The following FAM13A variants were observed in gnomAD, a reference collection of about 807,000 sequenced individuals.
The protein encoded by FAM13A is protein FAM13A.
A neutral mutation model predicts 129.6 loss-of-function variants in FAM13A; 76 were observed. The observed-to-expected ratio is 0.59, with a 90% CI of 0.49 to 0.71. The LOEUF (loss-of-function observed/expected upper bound fraction) is 0.71. Ranked by LOEUF, FAM13A falls within the 30% of genes least tolerant of loss-of-function variation. The pLI is 0.00. For synonymous variants in FAM13A, 443 were observed against 449.9 expected, an observed-to-expected ratio of 0.98 and a Z score of 0.20; for missense variants, 1,108 against 1,249.3, an observed-to-expected ratio of 0.89 and a Z score of 1.70.
Position 88,851,197 on chromosome 4 carries a change from A to G in FAM13A, c.844-14T>C. On this transcript the variant is annotated splice_polypyrimidine_tract_variant and intron_variant, in intron 6 of 23. Transcript: ENST00000264344. ...GGATTTTGGGATCTAGAAGAAAAAA[A>G]AAAGAGGGGTGGGGGAGAGCTAGAT... is the stretch of plus-strand genomic sequence containing the variant. 2 of 1,557,770 alleles carry G rather than the reference A, an allele frequency of 1.3e-6. No homozygotes were observed. The highest frequency in any genetic ancestry group is 1.7e-6 in the Non-Finnish European group (2 of 1,147,150).
intron 7 of FAM13A, chr4:88,822,859 C>G: frequency 7.0e-7 from 1 of 1,432,634 alleles, no homozygotes. Context: ...ATATGTACAA[C>G]GGACTCTACA....
Position 88,731,982 on chromosome 4 carries a change from C to T in FAM13A, c.2843+20G>A. 1 of 1,576,036 alleles carries T rather than the reference C, an allele frequency of 6.3e-7. No homozygotes were observed. Among genetic ancestry groups the T allele is most frequent in the Non-Finnish European group, 8.6e-7 (1 of 1,159,170 alleles). ...CTATTTTTACCAAAACATTTCACCA[C>T]CACCACCAAAATGACATACATTGAG... On this transcript the variant is annotated intron_variant, in intron 22 of 23. Transcript: ENST00000264344.
chr4:88,878,270 A>T (rs1277964414), intron 6 of FAM13A, among the ~76,000 whole-genome samples: 1 of 128,532 alleles, frequency 7.8e-6, no homozygotes, highest in African/African-American at 2.9e-5. Context: ...CCTGGGCGAC[A>T]GAGTGAGACT....
At chr4:88,913,768 T>C (rs1269029609) in intron 5 of FAM13A, among the ~76,000 whole-genome samples, 2 of 152,200 alleles carry the variant, frequency 1.3e-5, no homozygotes, top group Admixed American at 1.3e-4. Context: ...TTCACCTTCA[T>C]GGCTTTTAAA....
intron 6 of FAM13A, among the ~76,000 whole-genome samples, chr4:88,861,009 T>C (rs1394309016): frequency 1.3e-5 from 2 of 152,210 alleles, no homozygotes; most frequent in African/African-American, 4.8e-5. Context: ...GGCTTTAAAC[T>C]CTCTTTTTCT....
intron 6 of FAM13A, among the ~76,000 whole-genome samples, chr4:88,873,468 G>C (rs1007725898): frequency 5.2e-4 from 79 of 152,162 alleles, no homozygotes; most frequent in African/African-American, 1.9e-3. Flanking sequence ...TATCACCACC[G>C]ATCCCACAGA....
At chr4:88,728,917 C>G (rs905867723) in intron 23 of FAM13A, 3 of 331,218 alleles carry the variant, frequency 9.1e-6, no homozygotes, top group African/African-American at 6.3e-5. Context: ...CTAAGAAATG[C>G]AGAAATTCTC....
chr4:88,933,229 A>G (rs898486449), intron 5 of FAM13A, among the ~76,000 whole-genome samples: 12 of 152,218 alleles, frequency 7.9e-5, no homozygotes, highest in Non-Finnish European at 1.2e-4. Flanking sequence ...ATAGATACTT[A>G]GCAATATGCT....
intron 14 of FAM13A, among the ~76,000 whole-genome samples, chr4:88,754,165 A>G (rs1353620946): frequency 6.6e-6 from 1 of 152,226 alleles, no homozygotes; most frequent in South Asian, 2.1e-4. Context: ...AACTCTGGAC[A>G]TAAGTATGAC....
At chr4:88,874,040 C>T (rs1364686104) in intron 6 of FAM13A, among the ~76,000 whole-genome samples, 1 of 152,172 alleles carries the variant, frequency 6.6e-6, no homozygotes, top group Non-Finnish European at 1.5e-5. Context: ...GACAAAACCA[C>T]ATGATTATCT....
intron 1 of FAM13A, among the ~76,000 whole-genome samples, chr4:89,035,992 T>A (rs1383320262): frequency 6.6e-6 from 1 of 152,138 alleles, no homozygotes; most frequent in Non-Finnish European, 1.5e-5. Flanking sequence ...TTTACAGCAA[T>A]GTGAGAACAG....
chr4:88,959,569 C>A (rs1351863770), intron 4 of FAM13A, among the ~76,000 whole-genome samples: 1 of 152,172 alleles, frequency 6.6e-6, no homozygotes, highest in Non-Finnish European at 1.5e-5. Flanking sequence ...TGAGGCTTCC[C>A]GAGAAGCCCA....
chr4:88,856,158 G>A (rs1738447967), intron 6 of FAM13A: 1 of 152,130 alleles, frequency 6.6e-6, no homozygotes, highest in Non-Finnish European at 1.5e-5. Flanking sequence ...CTGTTCAGTT[G>A]CTGTGCTGGC....
At chr4:88,955,536 C>T (rs932261431) in intron 4 of FAM13A, among the ~76,000 whole-genome samples, 2 of 152,118 alleles carry the variant, frequency 1.3e-5, no homozygotes, top group Non-Finnish European at 2.9e-5. Flanking sequence ...GTGAATGTGA[C>T]TTTGGAATTG....
chr4:89,021,456 C>T (rs1306384985), intron 2 of FAM13A, among the ~76,000 whole-genome samples: 1 of 152,142 alleles, frequency 6.6e-6, no homozygotes, highest in Non-Finnish European at 1.5e-5. Flanking sequence ...AAACCTTGAT[C>T]TACCCCTGAC....
At chr4:88,768,762 G>T (rs1399348196) in intron 11 of FAM13A, among the ~76,000 whole-genome samples, 1 of 152,082 alleles carries the variant, frequency 6.6e-6, no homozygotes, top group Non-Finnish European at 1.5e-5. Context: ...AGTAAAGACA[G>T]AAAACCTAAT....
Position 88,848,281 on chromosome 4 carries a change from C to T in FAM13A, c.1007+2739G>A, listed in dbSNP as rs11944060. On this transcript the variant is annotated intron_variant, in intron 7 of 23. Coordinates refer to ENST00000264344, the MANE Select transcript of FAM13A (RefSeq NM_014883.4). Reference sequence around the variant, plus strand: ...GGAAAGTGTCCTTGTGGTTGTACAGCGCTCAAGCTGCGTTACACAAGATAT... The same window carrying T: ...GGAAAGTGTCCTTGTGGTTGTACAGTGCTCAAGCTGCGTTACACAAGATAT... Among the ~76,000 whole-genome samples the T allele has an allele frequency of 9.1e-4, 138 of 152,310 alleles. 1 individual carries two copies. The highest frequency in any genetic ancestry group is 2.5e-3 in the African/African-American group (102 of 41,564).
intron 7 of FAM13A, among the ~76,000 whole-genome samples, chr4:88,836,369 A>C (rs1433338475): frequency 6.6e-6 from 1 of 152,226 alleles, no homozygotes; most frequent in Non-Finnish European, 1.5e-5. Flanking sequence ...TATACTGCAT[A>C]GCAGAAATTC....
intron 3 of FAM13A, among the ~76,000 whole-genome samples, chr4:88,993,201 G>A (rs959054287): frequency 6.6e-6 from 1 of 152,188 alleles, no homozygotes; most frequent in African/African-American, 2.4e-5. Flanking sequence ...GGATATATAA[G>A]ATAATGAAAT....
Sources: allele counts gnomAD v4.1 joint callset (sites outside exome capture counted in the v4.1 genomes callset), GRCh38; gene constraint gnomAD v4.1.1; transcripts MANE v1.5; gene names NCBI Gene and HGNC (gene_info 2026-07-23, HGNC 2026-07-21).